Variants in DLG1 observed in about 807,000 individuals in gnomAD.
DLG1 encodes the protein discs large MAGUK scaffold protein 1, also known as disks large homolog 1.
A neutral mutation model predicts 123.4 loss-of-function variants in DLG1; 42 were observed. The observed-to-expected ratio is 0.34, with a 90% CI of 0.27 to 0.44. The LOEUF is 0.44. Ranked by LOEUF, DLG1 falls within the 20% of genes least tolerant of loss-of-function variation. The pLI, the probability that DLG1 is intolerant of heterozygous loss-of-function variation, is 1.00. For missense variants in DLG1, 942 were observed against 1,082.6 expected (o/e 0.87, Z 1.82); for synonymous variants, 317 against 356.2 (o/e 0.89, Z 1.24).
At chr3:197,064,003 A>G (rs1737674425) in intron 22 of DLG1, among the ~76,000 whole-genome samples, 1 of 146,718 alleles carries the variant, frequency 6.8e-6, no homozygotes, top group South Asian at 2.1e-4. Context: ...GTTTTGGCTC[A>G]CTGCAATCTC....
chr3:197,046,250 T>C (rs1353497324), intron 24 of DLG1, among the ~76,000 whole-genome samples: 1 of 152,204 alleles, frequency 6.6e-6, no homozygotes, highest in African/African-American at 2.4e-5. Context: ...ATAGTTTAGG[T>C]TGACAACAGC....
At chr3:197,094,984 G>C (rs1759822272) in intron 14 of DLG1, among the ~76,000 whole-genome samples, 1 of 151,916 alleles carries the variant, frequency 6.6e-6, no homozygotes. Flanking sequence ...TTTAATTTTA[G>C]AAAAGATTTC....
chr3:197,165,895 A>G (rs1417335306), intron 5 of DLG1, among the ~76,000 whole-genome samples: 1 of 152,230 alleles, frequency 6.6e-6, no homozygotes, highest in Non-Finnish European at 1.5e-5. Flanking sequence ...AGTAAACAAT[A>G]TAAGGCTTCT....
chr3:197,285,504 C>T (rs1771421714), intron 3 of DLG1, among the ~76,000 whole-genome samples: 1 of 151,738 alleles, frequency 6.6e-6, no homozygotes, highest in Non-Finnish European at 1.5e-5. Context: ...AAAATACTGG[C>T]AAAACACATA....
chr3:197,205,077 T>C (rs571776633), intron 4 of DLG1, among the ~76,000 whole-genome samples: 1 of 152,276 alleles, frequency 6.6e-6, no homozygotes, highest in East Asian at 1.9e-4. Flanking sequence ...AAAAATGTGT[T>C]CAACCTTCAT....
chr3:197,067,758 C>T (rs546345668), intron 19 of DLG1, among the ~76,000 whole-genome samples: 215 of 152,070 alleles, frequency 1.4e-3, no homozygotes, highest in African/African-American at 4.4e-3. Context: ...GGTTTCTCCA[C>T]GTTGGTCAGG....
chr3:197,153,033 T>C (rs1219983251), intron 5 of DLG1, among the ~76,000 whole-genome samples: 1 of 152,200 alleles, frequency 6.6e-6, no homozygotes, highest in Non-Finnish European at 1.5e-5. Flanking sequence ...TCAGCATTGA[T>C]CAAAGTTTCA....
intron 5 of DLG1, among the ~76,000 whole-genome samples, chr3:197,193,269 C>T (rs906262028): frequency 6.6e-6 from 1 of 152,044 alleles, no homozygotes; most frequent in Non-Finnish European, 1.5e-5. Flanking sequence ...ACCTAAAGGA[C>T]CAATAAATAT....
chr3:197,242,310 C>G lies in DLG1; in HGVS notation c.318+40369G>C, dbSNP rs1749338066. ...GTATATATAAAAAAATTAATACATC[C>G]AAGGGGATAGACTGCAATACAATAA... On this transcript the variant is annotated intron_variant, in intron 4 of 24. Coordinates refer to ENST00000667157, the MANE Select transcript of DLG1 (RefSeq NM_001366207.1). Among the ~76,000 whole-genome samples, 2 of 151,964 alleles carry G rather than the reference C, an allele frequency of 1.3e-5. 1 individual carries two copies. The highest frequency in any genetic ancestry group is 4.8e-5 in the African/African-American group (2 of 41,374).
intron 5 of DLG1, among the ~76,000 whole-genome samples, chr3:197,158,478 A>G (rs977270709): frequency 1.3e-5 from 2 of 150,408 alleles, no homozygotes; most frequent in Non-Finnish European, 3.0e-5. Flanking sequence ...AAAAAAAAAA[A>G]AAAAAATTAG....
chr3:197,147,621 T>C (rs1791576136), intron 6 of DLG1, among the ~76,000 whole-genome samples: 1 of 152,084 alleles, frequency 6.6e-6, no homozygotes. Context: ...AGCTAAGCTA[T>C]GAGGATGCAA....
At chr3:197,079,667 T>C (rs980423101) in intron 17 of DLG1, among the ~76,000 whole-genome samples, 1 of 152,206 alleles carries the variant, frequency 6.6e-6, no homozygotes, top group Non-Finnish European at 1.5e-5. Flanking sequence ...ATTAAAAAAT[T>C]CACATTTTTC....
intron 5 of DLG1, chr3:197,183,441 A>G: frequency 1.2e-6 from 1 of 812,440 alleles, no homozygotes; most frequent in Non-Finnish European, 1.9e-6. Flanking sequence ...ACACGGATGG[A>G]CAGAAAACAT....
chr3:197,052,901 T>C (rs1344779191), intron 23 of DLG1, among the ~76,000 whole-genome samples: 1 of 152,192 alleles, frequency 6.6e-6, no homozygotes, highest in Non-Finnish European at 1.5e-5. Context: ...TCCAACAAAC[T>C]GAAGAAACAC....
chr3:197,166,451 A>T lies in DLG1; in HGVS notation c.484-16655T>A, dbSNP rs189540215. On this transcript the variant is annotated intron_variant, in intron 5 of 24. Coordinates refer to ENST00000667157, the MANE Select transcript of DLG1 (RefSeq NM_001366207.1). Reference sequence around the variant, plus strand: ...GTTTTCAATATATATAGATAAATACAAAAATAAATATAGACATAAATGTGT... The same window carrying T: ...GTTTTCAATATATATAGATAAATACTAAAATAAATATAGACATAAATGTGT... Among the ~76,000 whole-genome samples, 42 of 152,336 alleles carry T rather than the reference A, an allele frequency of 2.8e-4. 1 individual carries two copies. The highest frequency in any genetic ancestry group is 3.4e-3 in the Middle Eastern group (1 of 294).
At chr3:197,244,071 C>A (rs1379913609) in intron 4 of DLG1, among the ~76,000 whole-genome samples, 3 of 152,144 alleles carry the variant, frequency 2.0e-5, no homozygotes, top group Non-Finnish European at 4.4e-5. Flanking sequence ...TAAGGGGAGA[C>A]TGATTAGTAA....
chr3:197,139,285 G>A (rs1786715028), intron 8 of DLG1, among the ~76,000 whole-genome samples: 1 of 152,096 alleles, frequency 6.6e-6, no homozygotes, highest in Non-Finnish European at 1.5e-5. Context: ...ATATCTAACA[G>A]AATCAGGAAG....
intron 8 of DLG1, among the ~76,000 whole-genome samples, chr3:197,139,020 ATTAAG>A (rs1359615284): frequency 1.3e-5 from 2 of 152,202 alleles, no homozygotes; most frequent in Non-Finnish European, 2.9e-5. Flanking sequence ...ACATAAAACA[ATTAAG>A]TTATTTTTTG....
At chr3:197,287,746 G>C (rs1261611626) in intron 3 of DLG1, among the ~76,000 whole-genome samples, 1 of 152,036 alleles carries the variant, frequency 6.6e-6, no homozygotes, top group Non-Finnish European at 1.5e-5. Flanking sequence ...CAATAAAACA[G>C]AAAAATGACT....
Sources: allele counts gnomAD v4.1 joint callset (sites outside exome capture counted in the v4.1 genomes callset), GRCh38; gene constraint gnomAD v4.1.1; transcripts MANE v1.5; gene names NCBI Gene and HGNC (gene_info 2026-07-23, HGNC 2026-07-21).